LRP1B: variants seen among roughly 807,000 people sequenced by gnomAD.
LRP1B encodes low-density lipoprotein receptor-related protein 1B.
A neutral mutation model predicts 556.6 loss-of-function variants in LRP1B; 217 were observed. The ratio of observed to expected loss-of-function variants is 0.39; its 90% CI spans 0.35 to 0.44. LRP1B has a LOEUF of 0.44. Ranked by LOEUF, LRP1B falls within the 20% of genes least tolerant of loss-of-function variation. The probability of loss-of-function intolerance (pLI) is 1.00; values close to 1 mark genes in which losing one functional copy is unlikely to be tolerated. For missense variants in LRP1B, 5,053 were observed against 5,620.8 expected, an observed-to-expected ratio of 0.90 and a Z score of 3.23; for synonymous variants, 2,047 against 1,865.8, an observed-to-expected ratio of 1.10 and a Z score of -2.50.
intron 1 of LRP1B, among the ~76,000 whole-genome samples, chr2:141,946,785 T>A (rs1700965264): frequency 6.6e-6 from 1 of 152,194 alleles, no homozygotes. Context: ...CATCTGTATC[T>A]CACCGACATT....
At chr2:140,587,311 G>A (rs1682025770) in intron 43 of LRP1B, among the ~76,000 whole-genome samples, 1 of 152,152 alleles carries the variant, frequency 6.6e-6, no homozygotes, top group Non-Finnish European at 1.5e-5. Flanking sequence ...TGTCAAGGCT[G>A]AAAACCACCA....
chr2:140,857,808 G>A (rs72988156), intron 27 of LRP1B, among the ~76,000 whole-genome samples: 8,199 of 152,042 alleles, frequency 0.054, 231 homozygotes, highest in East Asian at 0.1. Context: ...AAATATATAT[G>A]CAATATAATG....
chr2:141,567,408 T>C (rs1369073678), intron 2 of LRP1B, among the ~76,000 whole-genome samples: 2 of 152,186 alleles, frequency 1.3e-5, no homozygotes, highest in Admixed American at 6.5e-5. Flanking sequence ...AACCAATAGA[T>C]ATGAAAATAT....
At chr2:140,876,350 C>T (rs893053119) in intron 25 of LRP1B, among the ~76,000 whole-genome samples, 4 of 152,120 alleles carry the variant, frequency 2.6e-5, no homozygotes, top group African/African-American at 4.8e-5. Flanking sequence ...CTGATTTCTA[C>T]AGAATTTTGA....
At chr2:141,400,517 T>A (rs1279753083) in intron 3 of LRP1B, among the ~76,000 whole-genome samples, 1 of 152,100 alleles carries the variant, frequency 6.6e-6, no homozygotes, top group Non-Finnish European at 1.5e-5. Flanking sequence ...TAAGAAAAAA[T>A]TCTCCATAGT....
chr2:141,822,554 A>G (rs1696789515), intron 1 of LRP1B, among the ~76,000 whole-genome samples: 1 of 152,172 alleles, frequency 6.6e-6, no homozygotes, highest in Non-Finnish European at 1.5e-5. Context: ...ATCTCTAGAC[A>G]CAGTGAGATA....
intron 2 of LRP1B, among the ~76,000 whole-genome samples, chr2:141,659,478 T>G (rs761663451): frequency 1.3e-5 from 2 of 152,102 alleles, no homozygotes; most frequent in African/African-American, 2.4e-5. Flanking sequence ...TTAGACTCAA[T>G]GTACTGTAGT....
intron 15 of LRP1B, among the ~76,000 whole-genome samples, chr2:141,004,418 C>G (rs1697511147): frequency 6.6e-6 from 1 of 152,054 alleles, no homozygotes; most frequent in Admixed American, 6.6e-5. Flanking sequence ...ATTATTTGAA[C>G]TGTGACATTG....
At chr2:140,371,400 C>G in intron 69 of LRP1B, 115 bp from the exon 70 acceptor site, 1 of 474,412 alleles carries the variant, frequency 2.1e-6, no homozygotes, top group Non-Finnish European at 3.7e-6. Flanking sequence ...ATAGTTTATA[C>G]TATATAACGA....
chr2:141,451,740 A>T (rs998965147), intron 3 of LRP1B, among the ~76,000 whole-genome samples: 4 of 152,186 alleles, frequency 2.6e-5, no homozygotes, highest in Admixed American at 6.5e-5. Context: ...ACATATTTTT[A>T]AAAAATTACT....
intron 1 of LRP1B, among the ~76,000 whole-genome samples, chr2:141,914,699 T>A (rs1435924533): frequency 1.3e-5 from 2 of 152,126 alleles, no homozygotes; most frequent in Non-Finnish European, 2.9e-5. Context: ...AGCATTTCTA[T>A]ACACCAGTAA....
At chr2:141,442,094 T>C (rs957128884) in intron 3 of LRP1B, among the ~76,000 whole-genome samples, 1 of 152,200 alleles carries the variant, frequency 6.6e-6, no homozygotes, top group African/African-American at 2.4e-5. Context: ...TTTCTAATAA[T>C]AAATTTCATG....
Position 141,064,264 on chromosome 2 carries a change from C to T in LRP1B, c.1014-1991G>A, listed in dbSNP as rs1417798662. Among the ~76,000 whole-genome samples, 26 of 151,996 alleles carry T rather than the reference C, an allele frequency of 1.7e-4. No individual in the cohort carries two copies. The East Asian group carries it at 4.7e-3, about 27-fold the overall frequency. ...AAGGATATAGATTAAGAAAATGTCA[C>T]TGAATCTGATATTCAGTAAAATACT... is the stretch of plus-strand genomic sequence containing the variant. On this transcript the variant is annotated intron_variant, in intron 7 of 90. Transcript: ENST00000389484.
At chr2:141,519,718 T>C (rs960882668) in intron 2 of LRP1B, among the ~76,000 whole-genome samples, 8 of 152,074 alleles carry the variant, frequency 5.3e-5, no homozygotes, top group Admixed American at 2.0e-4. Context: ...CGTATATATG[T>C]AGACCTGTAC....
intron 34 of LRP1B, 88 bp downstream of exon 34, chr2:140,770,793 A>G: frequency 8.9e-7 from 1 of 1,120,150 alleles, no homozygotes; most frequent in African/African-American, 1.6e-5. Flanking sequence ...TCTAATGTTT[A>G]ACTGACTTTG....
intron 7 of LRP1B, among the ~76,000 whole-genome samples, chr2:141,142,354 G>T (rs1055339488): frequency 6.6e-6 from 1 of 152,116 alleles, no homozygotes; most frequent in Admixed American, 6.5e-5. Flanking sequence ...TTTAGTTCTT[G>T]AGCCCCTATA....
At chr2:140,371,396 T>C in intron 69 of LRP1B, 111 bp from the exon 70 acceptor site, 1 of 493,480 alleles carries the variant, frequency 2.0e-6, no homozygotes, top group Non-Finnish European at 3.6e-6. Flanking sequence ...AAAAATAGTT[T>C]ATACTATATA....
chr2:141,174,268 C>T (rs111822017), intron 7 of LRP1B, among the ~76,000 whole-genome samples: 13 of 152,130 alleles, frequency 8.5e-5, no homozygotes, highest in African/African-American at 2.9e-4. Flanking sequence ...GGCTTATGTT[C>T]TAAAAATTAT....
At chr2:141,377,954 T>C (rs1436405714) in intron 3 of LRP1B, among the ~76,000 whole-genome samples, 1 of 152,206 alleles carries the variant, frequency 6.6e-6, no homozygotes, top group Non-Finnish European at 1.5e-5. Flanking sequence ...ATCTGTGCTT[T>C]TAATAAATGC....
Sources: allele counts gnomAD v4.1 joint callset (sites outside exome capture counted in the v4.1 genomes callset), GRCh38; gene constraint gnomAD v4.1.1; transcripts MANE v1.5; gene names NCBI Gene and HGNC (gene_info 2026-07-23, HGNC 2026-07-21).